Variants in ETV1 observed in about 807,000 individuals in gnomAD.
ETV1 encodes the protein ETS variant transcription factor 1.
In ETV1, 27 loss-of-function variants were observed where a neutral mutation model predicts 62.3. The ratio of observed to expected loss-of-function variants is 0.43; its 90% confidence interval spans 0.32 to 0.60. The LOEUF (loss-of-function observed/expected upper bound fraction) is 0.60. Ranked by LOEUF, ETV1 falls within the 20% of genes least tolerant of loss-of-function variation. The pLI, the probability that ETV1 is intolerant of heterozygous loss-of-function variation, is 0.06. For missense variants in ETV1, 605 were observed against 605.8 expected, an observed-to-expected ratio of 1.00 and a Z score of 0.01; for synonymous variants, 222 against 199.6, an observed-to-expected ratio of 1.11 and a Z score of -0.94.
At chr7:13,970,264 ACACACACAC>A (rs1240501262) in intron 6 of ETV1, among the ~76,000 whole-genome samples, 6 of 3,474 alleles carry the variant, frequency 1.7e-3, no homozygotes, top group African/African-American at 2.3e-3. Context: ...CCATCTCAAA[ACACACACAC>A]ACACACACAC....
intron 7 of ETV1, among the ~76,000 whole-genome samples, chr7:13,937,370 C>A (rs3801096): frequency 0.29 from 43,392 of 152,082 alleles, 6,854 homozygotes; most frequent in East Asian, 0.4. Context: ...AATGAAGAAA[C>A]AAATGATACT....
At chr7:13,920,664 G>T (rs1784743558) in intron 9 of ETV1, among the ~76,000 whole-genome samples, 1 of 152,130 alleles carries the variant, frequency 6.6e-6, no homozygotes, top group Non-Finnish European at 1.5e-5. Context: ...CTGTGTTAAT[G>T]CATAAAGAGT....
intron 6 of ETV1, among the ~76,000 whole-genome samples, chr7:13,959,882 C>CAAAAAAA (rs35605197): frequency 1.8e-5 from 1 of 56,708 alleles, no homozygotes; most frequent in African/African-American, 4.1e-5. Flanking sequence ...GATTCTGTCT[C>CAAAAAAA]AAAAAAAAAA....
intron 6 of ETV1, among the ~76,000 whole-genome samples, chr7:13,950,090 G>C (rs771146074): frequency 1.3e-5 from 2 of 152,092 alleles, no homozygotes; most frequent in Non-Finnish European, 2.9e-5. Flanking sequence ...GCAGACATTA[G>C]ATATGATTAA....
intron 6 of ETV1, among the ~76,000 whole-genome samples, chr7:13,950,913 C>CAA (rs1404798092): frequency 7.1e-6 from 1 of 140,432 alleles, no homozygotes; most frequent in African/African-American, 2.5e-5. Context: ...CACACACACA[C>CAA]ACACACACAC....
rs186767299 is a variant in ETV1, at chr7:13,940,058, C to A, written c.236-812G>T. ...GGGGAGGGAATCACAGCTGTAAATC[C>A]AATAAATAAAAAACATGCTATAGGC... is the stretch of plus-strand genomic sequence containing the variant. On this transcript the variant is annotated intron_variant, in intron 6 of 13. Transcript: ENST00000430479. Among the ~76,000 whole-genome samples, 378 of 152,130 alleles carry A rather than the reference C, an allele frequency of 2.5e-3. 2 individuals are homozygous for A. Among genetic ancestry groups the A allele is most frequent in the African/African-American group, 8.7e-3 (363 of 41,530 alleles).
At chr7:13,915,757 A>ATT in intron 9 of ETV1, among the ~76,000 whole-genome samples, 1 of 147,776 alleles carries the variant, frequency 6.8e-6, no homozygotes, top group Non-Finnish European at 1.5e-5. Flanking sequence ...AATGGAAATA[A>ATT]TTTTTTTTTT....
rs1483463459 is a variant in ETV1, at chr7:13,973,696, G to GT, written c.235+3730dup. Among the ~76,000 whole-genome samples the GT allele has an allele frequency of 2.2e-4, 33 of 151,164 alleles. No homozygotes were observed. The East Asian group carries it at 5.1e-3, about 23-fold the overall frequency. ...GACTTATTTTTGCCTCTGTTTATGGGTTTTTTAAAATTATTGTGTGTCTTA... is the reference window on the plus strand; with the variant it reads ...GACTTATTTTTGCCTCTGTTTATGGGTTTTTTTAAAATTATTGTGTGTCTTA... On this transcript the variant is annotated intron_variant, in intron 6 of 13. Coordinates refer to ENST00000430479, the MANE Select transcript of ETV1 (RefSeq NM_004956.5).
At chr7:13,911,368 T>C (rs905759481) in intron 9 of ETV1, 61 bp from the exon 10 acceptor site, 6 of 1,121,338 alleles carry the variant, frequency 5.4e-6, no homozygotes, top group Non-Finnish European at 5.4e-6. Flanking sequence ...CGGTTATCAA[T>C]GGACAGGGTG....
In ETV1 at chr7:13,895,837, A is replaced by T. The variant is rs1781714091; in HGVS notation, c.*29T>A. The T allele has an allele frequency of 6.4e-7, 1 of 1,554,218 alleles. No individual in the cohort carries two copies. Among genetic ancestry groups the T allele is most frequent in the Non-Finnish European group, 8.8e-7 (1 of 1,131,920 alleles). ...ATCTTGCAGAAAAAAGGAAAAGCGCAAAAACGCCCTGCTTGACTGTCACTT... is the reference window on the plus strand; with the variant it reads ...ATCTTGCAGAAAAAAGGAAAAGCGCTAAAACGCCCTGCTTGACTGTCACTT... On this transcript the variant is annotated 3_prime_UTR_variant, in exon 14 of 14. Transcript: ENST00000430479.
intron 9 of ETV1, 79 bp downstream of exon 9, chr7:13,931,423 T>A: frequency 6.5e-7 from 1 of 1,532,828 alleles, no homozygotes; most frequent in Middle Eastern, 2.1e-4. Flanking sequence ...AGCTACCTAG[T>A]CTGATACCAA....
At chr7:13,947,392 C>CAAAAAAAAAAAAAAAAAAA (rs11352949) in intron 6 of ETV1, among the ~76,000 whole-genome samples, 1 of 86,500 alleles carries the variant, frequency 1.2e-5, no homozygotes, top group Non-Finnish European at 2.3e-5. Flanking sequence ...ACTAACTATA[C>CAAAAAAAAAAAAAAAAAAA]AAAAAAAAAA....
rs1782870067 is a variant in ETV1, at chr7:13,989,639, T to C, written c.-361A>G. ...AAAAACATTAATTATAGCCCAGCACTTCCCCCTTGGAAGCCGAAAGCGCCT... is the reference window on the plus strand; with the variant it reads ...AAAAACATTAATTATAGCCCAGCACCTCCCCCTTGGAAGCCGAAAGCGCCT... On this transcript the variant is annotated 5_prime_UTR_variant, in exon 1 of 14. Transcript: ENST00000430479. The C allele has an allele frequency of 2.5e-6, 1 of 399,068 alleles. No homozygotes were observed. The highest frequency in any genetic ancestry group is 4.4e-6 in the Non-Finnish European group (1 of 226,120). 24.7% of individuals were successfully genotyped at this position (399,068 alleles called of 1,614,324 possible).
Position 13,894,433 on chromosome 7 carries a change from A to G in ETV1, c.*1433T>C. The G allele has an allele frequency of 4.3e-6, 1 of 232,712 alleles. No individual in the cohort carries two copies. The highest frequency in any genetic ancestry group is 6.1e-5 in the East Asian group (1 of 16,350). The allele number at this position is 232,712 out of a possible 1,614,324, so 14.4% of individuals were successfully genotyped here. A position where few individuals can be genotyped will look rare whatever the true frequency, so the allele number is the denominator to read the frequency against. ...CCAATCACATTTACAGAAGTGTCCA[A>G]AAAGAGATGATGGATAATATCAGTG... On this transcript the variant is annotated 3_prime_UTR_variant, in exon 14 of 14. Transcript: ENST00000430479.
chr7:13,961,653 A>G (rs1166229215), intron 6 of ETV1, among the ~76,000 whole-genome samples: 1 of 152,194 alleles, frequency 6.6e-6, no homozygotes, highest in Non-Finnish European at 1.5e-5. Context: ...TGAGGATAGA[A>G]GCAATTTTGT....
chr7:13,951,771 C>G (rs1035815634), intron 6 of ETV1, among the ~76,000 whole-genome samples: 1 of 152,152 alleles, frequency 6.6e-6, no homozygotes, highest in African/African-American at 2.4e-5. Context: ...TGTAAAGTCA[C>G]AAACCCCACA....
intron 9 of ETV1, among the ~76,000 whole-genome samples, chr7:13,925,513 T>C (rs560403309): frequency 4.9e-4 from 75 of 152,240 alleles, no homozygotes; most frequent in African/African-American, 1.7e-3. Context: ...TTTTCACTTA[T>C]AGGACTGACG....
rs111261998 is a variant in ETV1 at position 13,943,737 on chromosome 7, G to A, written c.236-4491C>T. Among the ~76,000 whole-genome samples, 606 of 152,198 alleles carry A rather than the reference G, an allele frequency of 4.0e-3. 7 individuals carry two copies. The highest frequency in any genetic ancestry group is 0.014 in the African/African-American group (571 of 41,528). The stretch of plus-strand genomic sequence containing the variant: ...GATGATCTCACAGGTACAAAGTTAC[G>A]GAAATATATCTTGCTGGAAACATTT... On this transcript the variant is annotated intron_variant, in intron 6 of 13. Coordinates refer to ENST00000430479, the MANE Select transcript of ETV1 (RefSeq NM_004956.5).
intron 3 of ETV1, 44 bp downstream of exon 3, chr7:13,988,964 C>A (rs1209597329): frequency 6.5e-7 from 1 of 1,548,920 alleles, no homozygotes; most frequent in Non-Finnish European, 8.8e-7. Context: ...CCACCCCCGA[C>A]GGAGTCAAGT....
Sources: gnomAD v4.1 joint callset for allele counts (sites outside exome capture counted in the v4.1 genomes callset) on GRCh38, gnomAD v4.1.1 for gene constraint, MANE v1.5 for transcripts, NCBI Gene and HGNC (gene_info 2026-07-23, HGNC 2026-07-21) for gene names.